Variants in SEMA3E observed in about 807,000 individuals in gnomAD.
SEMA3E encodes the protein semaphorin-3E.
In SEMA3E, 49 loss-of-function variants were observed where a neutral mutation model predicts 93.6. That is an observed-to-expected ratio of 0.52 (90% CI 0.42 to 0.66). The LOEUF is 0.66. Ranked by LOEUF, SEMA3E falls within the 30% of genes least tolerant of loss-of-function variation. The pLI is 0.00. For synonymous variants in SEMA3E, 363 were observed against 330.7 expected, an observed-to-expected ratio of 1.10 and a Z score of -1.06; for missense variants, 906 against 964.8, an observed-to-expected ratio of 0.94 and a Z score of 0.81.
intron 11 of SEMA3E, 50 bp from the exon 12 acceptor site, chr7:83,396,779 G>T: frequency 7.6e-7 from 1 of 1,311,954 alleles, no homozygotes; most frequent in Non-Finnish European, 1.1e-6. Context: ...TCACAGTACG[G>T]TTTTCAAAAA....
chr7:83,412,324 T>G (rs1435112882), intron 5 of SEMA3E, among the ~76,000 whole-genome samples: 2 of 152,176 alleles, frequency 1.3e-5, no homozygotes, highest in African/African-American at 4.8e-5. Flanking sequence ...GATGCCTCAT[T>G]AATGTCTGAA....
chr7:83,549,791 AT>A (rs1191858058), intron 1 of SEMA3E, among the ~76,000 whole-genome samples: 2 of 151,866 alleles, frequency 1.3e-5, no homozygotes, highest in Non-Finnish European at 2.9e-5. Flanking sequence ...GTGCTTTTTC[AT>A]TTTTCCATAA....
chr7:83,511,737 G>GAAAA (rs550521849), intron 1 of SEMA3E, among the ~76,000 whole-genome samples: 243 of 151,528 alleles, frequency 1.6e-3, no homozygotes, highest in African/African-American at 5.2e-3. Flanking sequence ...ATACAAAAAA[G>GAAAA]AAAAAAAATT....
intron 1 of SEMA3E, among the ~76,000 whole-genome samples, chr7:83,575,895 G>GA (rs11411167): frequency 0.43 from 65,025 of 151,978 alleles, 14,998 homozygotes; most frequent in African/African-American, 0.61. Context: ...TAGTTAAGTT[G>GA]GCAATTTAAA....
At chr7:83,578,868 T>G (rs796945271) in intron 1 of SEMA3E, among the ~76,000 whole-genome samples, 5 of 152,248 alleles carry the variant, frequency 3.3e-5, no homozygotes, top group African/African-American at 9.6e-5. Flanking sequence ...CAAAAGAGCT[T>G]ATTCAAATAT....
At chr7:83,602,373 C>A (rs1482758603) in intron 1 of SEMA3E, among the ~76,000 whole-genome samples, 1 of 152,204 alleles carries the variant, frequency 6.6e-6, no homozygotes, top group Non-Finnish European at 1.5e-5. Context: ...TCTTTTGATA[C>A]TCTACCTGAA....
intron 1 of SEMA3E, among the ~76,000 whole-genome samples, chr7:83,561,018 CATT>C (rs1187252006): frequency 4.6e-5 from 7 of 151,912 alleles, no homozygotes; most frequent in Non-Finnish European, 2.9e-5. Context: ...ATCCTGAAGA[CATT>C]ATAATATGTG....
chr7:83,634,083 C>A (rs930572835), intron 1 of SEMA3E, among the ~76,000 whole-genome samples: 3 of 152,152 alleles, frequency 2.0e-5, no homozygotes, highest in Non-Finnish European at 4.4e-5. Flanking sequence ...AATTAGCTGA[C>A]TAAAAGGACA....
At chr7:83,524,546 T>G in intron 1 of SEMA3E, among the ~76,000 whole-genome samples, 1 of 152,112 alleles carries the variant, frequency 6.6e-6, no homozygotes, top group East Asian at 1.9e-4. Context: ...ATTTAACACG[T>G]CATTCATTGT....
At chr7:83,602,585 C>G (rs1793019878) in intron 1 of SEMA3E, among the ~76,000 whole-genome samples, 1 of 151,806 alleles carries the variant, frequency 6.6e-6, no homozygotes, top group Non-Finnish European at 1.5e-5. Context: ...TCAAGTGATT[C>G]TCCTGCCTCA....
chr7:83,377,856 G>C (rs1283572566), intron 16 of SEMA3E, among the ~76,000 whole-genome samples: 2 of 151,872 alleles, frequency 1.3e-5, no homozygotes, highest in South Asian at 4.2e-4. Flanking sequence ...TATAGAAAGA[G>C]AAATGCATAC....
intron 15 of SEMA3E, 25 bp from the exon 16 acceptor site, chr7:83,385,458 C>T: frequency 6.2e-7 from 1 of 1,611,468 alleles, no homozygotes; most frequent in South Asian, 1.1e-5. Flanking sequence ...TTAATGCCAT[C>T]TTTGAGACTT....
chr7:83,550,326 C>T (rs1791739147), intron 1 of SEMA3E, among the ~76,000 whole-genome samples: 1 of 152,060 alleles, frequency 6.6e-6, no homozygotes, highest in Admixed American at 6.6e-5. Context: ...TTCCAGTAAG[C>T]TAACTTCTGA....
chr7:83,407,420 A>G (rs1788351280), intron 6 of SEMA3E, among the ~76,000 whole-genome samples, 181 bp from the exon 7 acceptor site: 1 of 152,138 alleles, frequency 6.6e-6, no homozygotes, highest in Non-Finnish European at 1.5e-5. Context: ...TCTCCACTTT[A>G]TTTGCATATT....
At chr7:83,610,894 T>C (rs1157788506) in intron 1 of SEMA3E, among the ~76,000 whole-genome samples, 1 of 152,036 alleles carries the variant, frequency 6.6e-6, no homozygotes, top group Non-Finnish European at 1.5e-5. Context: ...TCAACCCCTC[T>C]GTGGTACTTG....
chr7:83,634,694 T>C (rs1793848104), intron 1 of SEMA3E, among the ~76,000 whole-genome samples: 1 of 152,068 alleles, frequency 6.6e-6, no homozygotes, highest in Non-Finnish European at 1.5e-5. Flanking sequence ...CATATGAATG[T>C]GTTACAGGAG....
intron 1 of SEMA3E, among the ~76,000 whole-genome samples, chr7:83,573,648 A>C (rs1792333398): frequency 6.6e-6 from 1 of 152,054 alleles, no homozygotes; most frequent in Non-Finnish European, 1.5e-5. Flanking sequence ...AATCTTCAAA[A>C]TTAGGGCATT....
At chr7:83,406,256 C>T (rs779254087) in intron 7 of SEMA3E, among the ~76,000 whole-genome samples, 197 bp from the exon 8 acceptor site, 3 of 151,708 alleles carry the variant, frequency 2.0e-5, no homozygotes, top group Non-Finnish European at 4.4e-5. Flanking sequence ...TTTCTTCATT[C>T]GGCCTTGTCA....
At chr7:83,459,120 C>T (rs1562791317) in intron 4 of SEMA3E, among the ~76,000 whole-genome samples, 1 of 151,616 alleles carries the variant, frequency 6.6e-6, no homozygotes, top group Non-Finnish European at 1.5e-5. Flanking sequence ...AATACAGATA[C>T]TGATCCCTCC....
Sources: gnomAD v4.1 joint callset for allele counts (sites outside exome capture counted in the v4.1 genomes callset) on GRCh38, gnomAD v4.1.1 for gene constraint, MANE v1.5 for transcripts, NCBI Gene and HGNC (gene_info 2026-07-23, HGNC 2026-07-21) for gene names.